Variants in TSPAN18 observed in about 807,000 individuals in gnomAD.
TSPAN18 encodes tetraspanin 18.
In TSPAN18, 14 loss-of-function variants were observed where a neutral mutation model predicts 27.3. That is an observed-to-expected ratio of 0.51 (90% CI 0.34 to 0.80). The LOEUF is 0.80. TSPAN18 is among the 30% of genes least tolerant of loss of function. The pLI is 0.01. For synonymous variants in TSPAN18, 143 were observed against 136.5 expected, an observed-to-expected ratio of 1.05 and a Z score of -0.33; for missense variants, 268 against 323.9, an observed-to-expected ratio of 0.83 and a Z score of 1.32.
chr11:44,870,337 A>C (rs1858159696), intron 3 of TSPAN18, among the ~76,000 whole-genome samples: 1 of 152,186 alleles, frequency 6.6e-6, no homozygotes, highest in South Asian at 2.1e-4. Context: ...AAATGTACTC[A>C]TACATCATGT....
chr11:44,726,915 A>AGGGAGGGCGGGGGGGGGGG (rs1438610622), upstream of TSPAN18: 2 of 5,084 alleles, frequency 3.9e-4, no homozygotes, highest in African/African-American at 7.9e-4. Context: ...GGGGGAGGGG[A>AGGGAGGGCGGGGGGGGGGG]GGGACGGACG....
rs1191198544 is a variant in TSPAN18, at chr11:44,772,719, C to T, written c.-153+8207C>T. ...TTGTTGCCTGGCTGGAGTGCAATGG[C>T]GCCATCTCAGCTCACTGCAACTTCC... On this transcript the variant is annotated intron_variant, in intron 2 of 9. Transcript: ENST00000520358. Among the ~76,000 whole-genome samples, 8 of 152,252 alleles carry T rather than the reference C, an allele frequency of 5.3e-5. No homozygotes were observed. In the South Asian group the frequency reaches 6.2e-4, roughly 12 times the overall value.
chr11:44,809,676 C>A (rs5018134), intron 2 of TSPAN18, among the ~76,000 whole-genome samples: 146,467 of 152,218 alleles, frequency 0.96, 70,750 homozygotes, highest in East Asian at 1. Context: ...GATGGTAGTG[C>A]GTATGCCATG....
At chr11:44,741,008 G>A (rs890932538) in intron 1 of TSPAN18, among the ~76,000 whole-genome samples, 38 of 152,154 alleles carry the variant, frequency 2.5e-4, no homozygotes, top group Admixed American at 2.1e-3. Flanking sequence ...TATCCCATCC[G>A]CATCACGGGA....
chr11:44,761,029 C>G (rs1855443390), intron 1 of TSPAN18, among the ~76,000 whole-genome samples: 1 of 152,192 alleles, frequency 6.6e-6, no homozygotes, highest in African/African-American at 2.4e-5. Context: ...GCCTGTGAGT[C>G]ATCAGCTGTT....
At chr11:44,794,382 C>G (rs150567897) in intron 2 of TSPAN18, among the ~76,000 whole-genome samples, 44 of 152,212 alleles carry the variant, frequency 2.9e-4, no homozygotes, top group African/African-American at 7.7e-4. Context: ...AGAACTCAGG[C>G]TCTGGCCGGG....
intron 2 of TSPAN18, among the ~76,000 whole-genome samples, chr11:44,855,454 A>G (rs879276967): frequency 2.0e-5 from 3 of 152,208 alleles, no homozygotes; most frequent in Non-Finnish European, 4.4e-5. Context: ...GCATTCGACA[A>G]TCACTATATT....
At chr11:44,889,975 C>T (rs1450059936) in intron 3 of TSPAN18, among the ~76,000 whole-genome samples, 10 of 152,212 alleles carry the variant, frequency 6.6e-5, no homozygotes, top group Admixed American at 1.3e-4. Context: ...ATGGCTGGGG[C>T]TGCCCTAGGC....
In TSPAN18 at chr11:44,921,699, T is replaced by A. The variant is rs1860143317; in HGVS notation, c.615+1700T>A. Among the ~76,000 whole-genome samples the A allele has an allele frequency of 2.0e-5, 3 of 152,202 alleles. No individual in the cohort carries two copies. In the South Asian group the frequency reaches 6.2e-4, roughly 32 times the overall value. The stretch of plus-strand genomic sequence containing the variant: ...CGGCCACCATAGCGTGGGGTTTATG[T>A]GAAAGACCAGTGAATTTGTAACTTG... On this transcript the variant is annotated intron_variant, in intron 8 of 9. Transcript: ENST00000520358.
chr11:44,789,168 C>A (rs756824005), intron 2 of TSPAN18, among the ~76,000 whole-genome samples: 12 of 152,162 alleles, frequency 7.9e-5, no homozygotes, highest in Middle Eastern at 3.2e-3. Flanking sequence ...TCAATGAATT[C>A]TTTTCACAGC....
At chr11:44,911,212 G>T (rs981251397) in intron 5 of TSPAN18, among the ~76,000 whole-genome samples, 2 of 152,176 alleles carry the variant, frequency 1.3e-5, no homozygotes, top group African/African-American at 4.8e-5. Context: ...GGGCGAATTC[G>T]TGGGCGGAGT....
At chr11:44,786,791 C>T (rs1192782034) in intron 2 of TSPAN18, among the ~76,000 whole-genome samples, 2 of 151,948 alleles carry the variant, frequency 1.3e-5, no homozygotes, top group Non-Finnish European at 2.9e-5. Flanking sequence ...ACCACCATGC[C>T]CTGCTAAGTT....
At chr11:44,819,260 CCA>C (rs974948742) in intron 2 of TSPAN18, among the ~76,000 whole-genome samples, 1 of 152,142 alleles carries the variant, frequency 6.6e-6, no homozygotes, top group African/African-American at 2.4e-5. Context: ...GAATTTGCAC[CCA>C]CGCAAGCTGC....
intron 1 of TSPAN18, among the ~76,000 whole-genome samples, chr11:44,728,312 A>G (rs911149343): frequency 6.6e-6 from 1 of 152,212 alleles, no homozygotes; most frequent in South Asian, 2.1e-4. Flanking sequence ...GATGTAAGAA[A>G]CTACAACTGC....
intron 2 of TSPAN18, among the ~76,000 whole-genome samples, chr11:44,790,270 T>C (rs1033746587): frequency 3.3e-5 from 5 of 151,418 alleles, no homozygotes; most frequent in African/African-American, 7.3e-5. Context: ...TTTATGTGTA[T>C]GTGTGCATGT....
chr11:44,861,476 C>CG (rs1163883403), intron 3 of TSPAN18, among the ~76,000 whole-genome samples: 8 of 1,586 alleles, frequency 5.0e-3, no homozygotes, highest in East Asian at 0.023. Flanking sequence ...CGGTGCTGGG[C>CG]GGGGGGTCGG....
At chr11:44,854,509 C>T (rs1023351887) in intron 2 of TSPAN18, among the ~76,000 whole-genome samples, 1 of 152,166 alleles carries the variant, frequency 6.6e-6, no homozygotes, top group African/African-American at 2.4e-5. Context: ...GCCACCAGTC[C>T]CCTCCTGCAC....
intron 1 of TSPAN18, among the ~76,000 whole-genome samples, chr11:44,727,675 G>A (rs1364707677): frequency 6.6e-6 from 1 of 152,154 alleles, no homozygotes; most frequent in Admixed American, 6.5e-5. Context: ...TGCTCGCCAC[G>A]CCACCCGGTA....
chr11:44,923,766 T>A (rs748072729), intron 8 of TSPAN18, among the ~76,000 whole-genome samples: 23 of 152,098 alleles, frequency 1.5e-4, no homozygotes, highest in Non-Finnish European at 3.1e-4. Context: ...CACGAGGCCC[T>A]AGCAAAGTTA....
Sources: allele counts gnomAD v4.1 joint callset (sites outside exome capture counted in the v4.1 genomes callset), GRCh38; gene constraint gnomAD v4.1.1; transcripts MANE v1.5; gene names NCBI Gene and HGNC (gene_info 2026-07-23, HGNC 2026-07-21).